The following DYNLT2B variants were observed in gnomAD, a reference collection of about 807,000 sequenced individuals.
DYNLT2B encodes dynein light chain Tctex-type 2B, also known as dynein light chain Tctex-type protein 2B.
Under a neutral mutation model 19.5 loss-of-function variants are expected in DYNLT2B, and 14 were observed. The ratio of observed to expected loss-of-function variants is 0.72; its 90% CI spans 0.47 to 1.12. The LOEUF (loss-of-function observed/expected upper bound fraction) is 1.12. DYNLT2B is among the 50% of genes most tolerant of loss of function. DYNLT2B has a pLI of 0.00. For synonymous variants in DYNLT2B, 70 were observed against 59.7 expected (o/e 1.17, Z -0.79); for missense variants, 133 against 174.7 (o/e 0.76, Z 1.35).
intron 1 of DYNLT2B, 107 bp from the exon 2 acceptor site, chr3:196,316,338 C>G (rs1198724083): frequency 1.8e-6 from 2 of 1,131,094 alleles, no homozygotes; most frequent in African/African-American, 1.6e-5. Flanking sequence ...CTTAATCCTT[C>G]TTTTTCATAT....
At chr3:196,306,123 A>C (rs1396857180) in intron 3 of DYNLT2B, among the ~76,000 whole-genome samples, 1 of 152,074 alleles carries the variant, frequency 6.6e-6, no homozygotes, top group Non-Finnish European at 1.5e-5. Flanking sequence ...GTAAAAAGAA[A>C]ATAATAGGTC....
Position 196,291,388 on chromosome 3 carries a change from AC to A in DYNLT2B, c.382-15del. The A allele has an allele frequency of 6.2e-7, 1 of 1,609,072 alleles. No individual in the cohort carries two copies. The highest frequency in any genetic ancestry group is 8.5e-7 in the Non-Finnish European group (1 of 1,177,912). On this transcript the variant is annotated splice_polypyrimidine_tract_variant and intron_variant, in intron 4 of 4. Transcript: ENST00000325318. Reference sequence around the variant, plus strand: ...GAATAAACTGTCCTAAAAAATAAATACAACACACACACACATCCAGAATGTT... The same window carrying A: ...GAATAAACTGTCCTAAAAAATAAATAAACACACACACACATCCAGAATGTT...
chr3:196,317,178 TG>T lies in DYNLT2B; in HGVS notation c.113+861del, dbSNP rs200518881. On this transcript the variant is annotated intron_variant, in intron 1 of 4. Coordinates refer to ENST00000325318, the MANE Select transcript of DYNLT2B (RefSeq NM_152773.5). ...CAGTGTGTGTGTGTGTGTGTGTGTG[TG>T]TGTTGTGTGTGTGTGTGTAAAGTTA... Among the ~76,000 whole-genome samples the T allele has an allele frequency of 9.5e-3, 970 of 101,652 alleles. 104 individuals are homozygous for T. Among genetic ancestry groups the T allele is most frequent in the Non-Finnish European group, 0.013 (639 of 49,966 alleles). 66.7% of individuals were successfully genotyped at this position (101,652 alleles called of 152,430 possible).
At chr3:196,317,369 AGTGTGTGTGTGTGT>A (rs56203830) in intron 1 of DYNLT2B, among the ~76,000 whole-genome samples, 3 of 15,976 alleles carry the variant, frequency 1.9e-4, no homozygotes, top group African/African-American at 5.1e-4. Context: ...TATTTTTTTC[AGTGTGTGTGTGTGT>A]GTGTGTGTGT....
At chr3:196,312,043 G>C (rs1161637169) in intron 2 of DYNLT2B, among the ~76,000 whole-genome samples, 1 of 152,090 alleles carries the variant, frequency 6.6e-6, no homozygotes, top group African/African-American at 2.4e-5. Flanking sequence ...ACCACGCCTG[G>C]CTAATTTTGT....
chr3:196,309,568 A>C (rs1484878415), intron 2 of DYNLT2B, among the ~76,000 whole-genome samples: 1 of 152,090 alleles, frequency 6.6e-6, no homozygotes, highest in Non-Finnish European at 1.5e-5. Flanking sequence ...CCTGGTCCAC[A>C]AAACAATTTT....
chr3:196,314,102 A>C (rs886358492), intron 2 of DYNLT2B, among the ~76,000 whole-genome samples: 3 of 135,840 alleles, frequency 2.2e-5, no homozygotes, highest in Admixed American at 2.1e-4. Context: ...CCATCTCAAA[A>C]AAAAACCTTA....
intron 2 of DYNLT2B, among the ~76,000 whole-genome samples, chr3:196,311,301 G>C (rs1726636056): frequency 6.6e-6 from 1 of 151,884 alleles, no homozygotes; most frequent in Non-Finnish European, 1.5e-5. Flanking sequence ...TGTAGTCCCA[G>C]CTACTTGGGA....
chr3:196,297,455 G>A (rs573270057), intron 3 of DYNLT2B, among the ~76,000 whole-genome samples: 2 of 152,222 alleles, frequency 1.3e-5, no homozygotes, highest in Admixed American at 1.3e-4. Flanking sequence ...AACCCAGGAG[G>A]TGGAGGCTGC....
In DYNLT2B at chr3:196,296,046, T is replaced by C. The variant is rs1305195555; in HGVS notation, c.341A>G (p.Asp114Gly). 6.2e-7 allele frequency: 1 copy of C among 1,613,780 alleles called. No homozygotes were observed. The highest frequency in any genetic ancestry group is 8.5e-7 in the Non-Finnish European group (1 of 1,179,930). The change falls in exon 4 of 5, where the codon GAT becomes GGT. Residue 114 changes from aspartate (D) to glycine (G), a missense_variant. Coordinates refer to ENST00000325318, the MANE Select transcript of DYNLT2B (RefSeq NM_152773.5). ...ATGAGTATAGTTGTCAGTGTCAGCA[T>C]CCCAGAAACAGCGAGAAGCCATGCT... ...GVFMASRCFWDADTDNYTHDV... is the reference protein window; with the variant it reads ...GVFMASRCFWGADTDNYTHDV...
chr3:196,297,306 C>T (rs752606789), intron 3 of DYNLT2B, among the ~76,000 whole-genome samples: 2 of 152,214 alleles, frequency 1.3e-5, no homozygotes, highest in Non-Finnish European at 2.9e-5. Context: ...GGGCGAATCA[C>T]CTGAGGTCAG....
At chr3:196,313,111 T>A (rs543531943) in intron 2 of DYNLT2B, among the ~76,000 whole-genome samples, 1 of 152,178 alleles carries the variant, frequency 6.6e-6, no homozygotes, top group African/African-American at 2.4e-5. Flanking sequence ...GACATGACTA[T>A]GGGAAACAGG....
Position 196,318,203 on chromosome 3 carries a change from G to T in DYNLT2B, c.-51C>A. On this transcript the variant is annotated 5_prime_UTR_variant, in exon 1 of 5. Transcript: ENST00000325318. ...GCTCGCGATGAAGGCCTAGCGGGTT[G>T]CGGTCGCGGCCGGCAGCAGGGAAAG... 8.7e-7 allele frequency: 1 copy of T among 1,146,472 alleles called. No individual in the cohort carries two copies. The highest frequency in any genetic ancestry group is 1.2e-6 in the Non-Finnish European group (1 of 842,922). The allele number at this position is 1,146,472 out of a possible 1,614,324, so 71.0% of individuals were successfully genotyped here. A position where few individuals can be genotyped will look rare whatever the true frequency, so the allele number is the denominator to read the frequency against.
At chr3:196,299,810 A>C in intron 3 of DYNLT2B, among the ~76,000 whole-genome samples, 2 of 152,142 alleles carry the variant, frequency 1.3e-5, no homozygotes, top group East Asian at 1.9e-4. Flanking sequence ...GGGCGCCTGT[A>C]GTCCCAGCTA....
chr3:196,299,469 C>T (rs993128252), intron 3 of DYNLT2B, among the ~76,000 whole-genome samples: 4 of 152,026 alleles, frequency 2.6e-5, no homozygotes, highest in Non-Finnish European at 2.9e-5. Context: ...GCAATCTGCC[C>T]GCCTTGGCCT....
At chr3:196,312,360 A>G (rs1313642599) in intron 2 of DYNLT2B, among the ~76,000 whole-genome samples, 1 of 152,122 alleles carries the variant, frequency 6.6e-6, no homozygotes. Flanking sequence ...AGCTGGGCTC[A>G]GATTTCTTGA....
At chr3:196,314,919 G>C (rs1726739103) in intron 2 of DYNLT2B, among the ~76,000 whole-genome samples, 1 of 152,122 alleles carries the variant, frequency 6.6e-6, no homozygotes, top group South Asian at 2.1e-4. Context: ...AGTTTGGTAG[G>C]GGTCGAGGGT....
At chr3:196,311,592 A>G (rs1466950070) in intron 2 of DYNLT2B, among the ~76,000 whole-genome samples, 1 of 152,144 alleles carries the variant, frequency 6.6e-6, no homozygotes, top group Non-Finnish European at 1.5e-5. Context: ...ATTGAAAGCT[A>G]TAAAATGCTC....
chr3:196,317,933 ACCCCGCGCGT>A, intron 1 of DYNLT2B, 97 bp downstream of exon 1: 1 of 488,054 alleles, frequency 2.0e-6, no homozygotes, highest in Non-Finnish European at 3.1e-6. Context: ...CGCCCCGCGG[ACCCCGCGCGT>A]CCCCCGCGCT....
Sources: gnomAD v4.1 joint callset for allele counts (sites outside exome capture counted in the v4.1 genomes callset) on GRCh38, gnomAD v4.1.1 for gene constraint, MANE v1.5 for transcripts, NCBI Gene and HGNC (gene_info 2026-07-23, HGNC 2026-07-21) for gene names.